Variants in CDH6 observed in about 807,000 individuals in gnomAD.
The protein encoded by CDH6 is cadherin-6.
Under a neutral mutation model 78.0 loss-of-function variants are expected in CDH6, and 31 were observed. The observed-to-expected ratio is 0.40, with a 90% CI of 0.30 to 0.54. The LOEUF (loss-of-function observed/expected upper bound fraction) is 0.54, where lower values mean the gene tolerates loss of function less well. Ranked by LOEUF, CDH6 falls within the 20% of genes least tolerant of loss-of-function variation. The probability of loss-of-function intolerance (pLI) is 0.56; values close to 1 mark genes in which losing one functional copy is unlikely to be tolerated. For missense variants in CDH6, 724 were observed against 975.9 expected, an observed-to-expected ratio of 0.74 and a Z score of 3.44; for synonymous variants, 376 against 368.8, an observed-to-expected ratio of 1.02 and a Z score of -0.23.
intron 1 of CDH6, among the ~76,000 whole-genome samples, chr5:31,241,782 C>T (rs1002462333): frequency 1.3e-5 from 2 of 152,164 alleles, no homozygotes; most frequent in African/African-American, 2.4e-5. Flanking sequence ...CACTAATAGA[C>T]CTTTGGAGGT....
intron 2 of CDH6, among the ~76,000 whole-genome samples, chr5:31,275,465 T>G (rs1397128712): frequency 6.6e-6 from 1 of 152,236 alleles, no homozygotes; most frequent in African/African-American, 2.4e-5. Context: ...TTTGGTTTTC[T>G]GTTCTTGTGT....
chr5:31,297,305 A>G lies in CDH6; in HGVS notation c.540A>G (p.Gln180=). The G allele has an allele frequency of 6.2e-7, 1 of 1,611,654 alleles. No homozygotes were observed. The highest frequency in any genetic ancestry group is 1.3e-5 in the African/African-American group (1 of 74,958). The stretch of plus-strand genomic sequence containing the variant: ...TCATTACAGGTACATTTGTTGTCCA[A>G]GTCACTGCGACGGATGCAGATGATC... ...EMSDVGTFVV[Q]VTATDADDPT... is the part of the protein sequence containing the mutation. The change falls in exon 4 of 12, where the codon CAA becomes CAG. Residue 180 remains glutamine, a synonymous_variant. Transcript: ENST00000265071.
At chr5:31,319,962 T>C (rs1738434757) in intron 11 of CDH6, among the ~76,000 whole-genome samples, 1 of 152,212 alleles carries the variant, frequency 6.6e-6, no homozygotes, top group Non-Finnish European at 1.5e-5. Flanking sequence ...AATCATTTAA[T>C]TTAACCCAGA....
chr5:31,273,887 G>C (rs1376527960), intron 2 of CDH6, among the ~76,000 whole-genome samples: 3 of 152,148 alleles, frequency 2.0e-5, no homozygotes, highest in Non-Finnish European at 4.4e-5. Context: ...TATGCAATTA[G>C]TGATCTTTCT....
At position 31,309,547 on chromosome 5, in the gene CDH6, T is replaced by G. The variant is rs906226606; in HGVS notation, c.1254-3771T>G. Among the ~76,000 whole-genome samples the G allele has an allele frequency of 3.2e-4, 47 of 147,556 alleles. 1 individual carries two copies. Among genetic ancestry groups the G allele is most frequent in the African/African-American group, 1.1e-3 (40 of 37,714 alleles). On this transcript the variant is annotated intron_variant, in intron 7 of 11. Transcript: ENST00000265071. ...TTAAAAATCCAGCTGAAATGGGCAG[T>G]TTTTTTTTCTAATGGCCTTAACATA...
In CDH6 at chr5:31,324,910, A is replaced by G. The variant is rs1738586200; in HGVS notation, c.*1602A>G. The G allele has an allele frequency of 5.0e-6, 1 of 199,662 alleles. No individual in the cohort carries two copies. Among genetic ancestry groups the G allele is most frequent in the South Asian group, 1.9e-4 (1 of 5,166 alleles). 12.4% of individuals were successfully genotyped at this position (199,662 alleles called of 1,614,324 possible). A position where few individuals can be genotyped will look rare whatever the true frequency, so the allele number is the denominator to read the frequency against. On this transcript the variant is annotated 3_prime_UTR_variant, in exon 12 of 12. Coordinates refer to ENST00000265071, the MANE Select transcript of CDH6 (RefSeq NM_004932.4). ...AAACATCCTTGTTTTGAAAACCTAA[A>G]AGACAGGCTCTGTATATATATATAC... is the stretch of plus-strand genomic sequence containing the variant.
rs571023915 is a variant in CDH6 at position 31,299,659 on chromosome 5, T to C, written c.811+28T>C. ...AGGAACATTTGATTGAATGAATTTC[T>C]TCAATGTGCTTTTATAAAACTCGAA... On this transcript the variant is annotated intron_variant, in intron 5 of 11. Coordinates refer to ENST00000265071, the MANE Select transcript of CDH6 (RefSeq NM_004932.4). The C allele has an allele frequency of 6.4e-6, 10 of 1,571,158 alleles. No homozygotes were observed. The South Asian group carries it at 1.1e-4, about 18-fold the overall frequency.
At chr5:31,302,907 GAAAGA>G (rs1222554456) in intron 6 of CDH6, among the ~76,000 whole-genome samples, 10 of 86,794 alleles carry the variant, frequency 1.2e-4, no homozygotes, top group African/African-American at 3.1e-4. Flanking sequence ...AAGAAAAAAA[GAAAGA>G]AAGAAAGAAA....
At chr5:31,298,161 A>G (rs1737663325) in intron 4 of CDH6, among the ~76,000 whole-genome samples, 1 of 152,232 alleles carries the variant, frequency 6.6e-6, no homozygotes, top group Admixed American at 6.5e-5. Flanking sequence ...ACAAAGTAGC[A>G]ACCTATCTTA....
intron 2 of CDH6, among the ~76,000 whole-genome samples, chr5:31,277,990 C>A (rs1742745621): frequency 6.6e-6 from 1 of 152,022 alleles, no homozygotes; most frequent in Admixed American, 6.6e-5. Flanking sequence ...CACATAGTTA[C>A]CATTTGTGTG....
intron 1 of CDH6, among the ~76,000 whole-genome samples, chr5:31,265,321 T>C (rs996093923): frequency 2.0e-5 from 3 of 152,204 alleles, no homozygotes; most frequent in African/African-American, 7.2e-5. Flanking sequence ...TTATGACAAG[T>C]ATACTGTTGC....
intron 1 of CDH6, among the ~76,000 whole-genome samples, chr5:31,264,204 GCTTA>G (rs1241348953): frequency 2.6e-5 from 4 of 152,174 alleles, no homozygotes; most frequent in African/African-American, 9.7e-5. Flanking sequence ...ATTTTGACTT[GCTTA>G]GAGATGTTTT....
In CDH6 at chr5:31,327,445, T is replaced by G. The variant is rs1290251613; in HGVS notation, c.*4137T>G. On this transcript the variant is annotated 3_prime_UTR_variant, in exon 12 of 12. Transcript: ENST00000265071. ...ATGTATCCTCTAACAAGGATCATTA[T>G]AGTGTAATCTTAATTTTTATGTTTT... 1 of 191,654 alleles carries G rather than the reference T, an allele frequency of 5.2e-6. No individual in the cohort carries two copies. Among genetic ancestry groups the G allele is most frequent in the Non-Finnish European group, 1.1e-5 (1 of 91,692 alleles). 11.9% of individuals were successfully genotyped at this position (191,654 alleles called of 1,614,324 possible).
intron 1 of CDH6, 73 bp downstream of exon 1, chr5:31,193,959 C>G (rs1212045444): frequency 7.5e-6 from 1 of 134,054 alleles, no homozygotes; most frequent in Non-Finnish European, 1.6e-5. Context: ...TTGATAGAAG[C>G]CAATCAGAGA....
chr5:31,312,522 A>T (rs1257777698), intron 7 of CDH6, among the ~76,000 whole-genome samples: 3 of 152,166 alleles, frequency 2.0e-5, no homozygotes, highest in Admixed American at 2.0e-4. Flanking sequence ...AAAATGGCCA[A>T]ATCCTGTCTC....
intron 1 of CDH6, among the ~76,000 whole-genome samples, chr5:31,239,670 CTTATCCTCATAGGCAGT>C (rs1429881012): frequency 1.3e-5 from 2 of 152,176 alleles, no homozygotes; most frequent in Non-Finnish European, 2.9e-5. Context: ...CAGTGCTTCT[CTTATCCTCATAGGCAGT>C]TTAAAGGGGG....
intron 1 of CDH6, among the ~76,000 whole-genome samples, chr5:31,244,579 C>A (rs564246537): frequency 7.8e-4 from 118 of 151,920 alleles, no homozygotes; most frequent in African/African-American, 2.7e-3. Context: ...ATTCAGGTGA[C>A]CGAGCCAGGA....
At position 31,267,375 on chromosome 5, in the gene CDH6, T is replaced by C; in HGVS notation, c.-99T>C. ...CCTCTGAGAGCCAAGCAAAGAACAT[T>C]AAGGAAGGAAGGAGGAATGAGGCTG... On this transcript the variant is annotated 5_prime_UTR_variant, in exon 2 of 12. Coordinates refer to ENST00000265071, the MANE Select transcript of CDH6 (RefSeq NM_004932.4). 2.4e-6 allele frequency: 2 copies of C among 819,256 alleles called. No individual in the cohort carries two copies. The highest frequency in any genetic ancestry group is 2.2e-5 in the Admixed American group (1 of 45,486). 50.7% of individuals were successfully genotyped at this position (819,256 alleles called of 1,614,324 possible). A position where few individuals can be genotyped will look rare whatever the true frequency, so the allele number is the denominator to read the frequency against.
At chr5:31,242,727 T>C (rs985904103) in intron 1 of CDH6, among the ~76,000 whole-genome samples, 1 of 151,018 alleles carries the variant, frequency 6.6e-6, no homozygotes, top group Non-Finnish European at 1.5e-5. Flanking sequence ...GAAGAAAATA[T>C]ATACCACATT....
Sources: gnomAD v4.1 joint callset for allele counts (sites outside exome capture counted in the v4.1 genomes callset) on GRCh38, gnomAD v4.1.1 for gene constraint, MANE v1.5 for transcripts, NCBI Gene and HGNC (gene_info 2026-07-23, HGNC 2026-07-21) for gene names.